The following SLC6A6 variants were observed in gnomAD, a reference collection of about 807,000 sequenced individuals.
SLC6A6 encodes sodium- and chloride-dependent taurine transporter.
Under a neutral mutation model 68.8 loss-of-function variants are expected in SLC6A6, and 16 were observed. The ratio of observed to expected loss-of-function variants is 0.23; its 90% CI spans 0.16 to 0.35. The LOEUF (loss-of-function observed/expected upper bound fraction) is 0.35, where lower values mean the gene tolerates loss of function less well. Among genes scored for constraint, SLC6A6 ranks in the 10% least tolerant of loss-of-function variants. SLC6A6 has a pLI of 1.00. For synonymous variants in SLC6A6, 312 were observed against 315.4 expected (o/e 0.99, Z 0.12); for missense variants, 474 against 802.8 (o/e 0.59, Z 4.95).
chr3:14,477,337 A>G lies in SLC6A6; in HGVS notation c.1342A>G (p.Thr448Ala). The G allele has an allele frequency of 6.2e-7, 1 of 1,614,028 alleles. No individual in the cohort carries two copies. The highest frequency in any genetic ancestry group is 8.5e-7 in the Non-Finnish European group (1 of 1,179,944). ...ISYLLGLTMV[T>A]EGGMYVFQLF... ...CTACCTGCTGGGGCTGACGATGGTG[A>G]CGGAGGTAGGTGGCTCTCTCAGCTG... Residue 448 changes from threonine to alanine, a missense_variant, in exon 11 of 15, where the codon ACG (threonine) becomes GCG (alanine). Around this residue, in one of 2 missense-constraint regions of SLC6A6, gnomAD observed 194 missense variants for 269.8 expected, o/e 0.72. Coordinates refer to ENST00000622186, the MANE Select transcript of SLC6A6 (RefSeq NM_003043.6). The surrounding 1 kb of genome is among the most constrained non-coding windows in gnomAD (Gnocchi z 4.2).
chr3:14,412,936 G>C (rs563076849), intron 1 of SLC6A6, among the ~76,000 whole-genome samples: 1 of 152,350 alleles, frequency 6.6e-6, no homozygotes, highest in Admixed American at 6.5e-5. Flanking sequence ...TTCGTGCTGG[G>C]CCAGCGCCAC....
chr3:14,432,437 T>A (rs1699746808), intron 2 of SLC6A6, among the ~76,000 whole-genome samples: 1 of 152,136 alleles, frequency 6.6e-6, no homozygotes, highest in Admixed American at 6.5e-5. Flanking sequence ...AGGAGGTGGC[T>A]GCCTGCTGAC....
rs947117646 is a variant in SLC6A6, at chr3:14,486,837, GCATA to G, written c.*1835_*1838del. 24 of 152,258 alleles carry G rather than the reference GCATA, an allele frequency of 1.6e-4. No individual in the cohort carries two copies. Among genetic ancestry groups the G allele is most frequent in the African/African-American group, 5.8e-4 (24 of 41,534 alleles). The allele number at this position is 152,258 out of a possible 1,614,324, so 9.4% of individuals were successfully genotyped here. Reference sequence around the variant, plus strand: ...CAATTCTGAACCCCATCTTTGGCAGGCATACATATTTCACTGTTTCCAAAGCTAT... The same window carrying G: ...CAATTCTGAACCCCATCTTTGGCAGGCATATTTCACTGTTTCCAAAGCTAT... On this transcript the variant is annotated 3_prime_UTR_variant, in exon 15 of 15. Coordinates refer to ENST00000622186, the MANE Select transcript of SLC6A6 (RefSeq NM_003043.6).
At chr3:14,429,711 T>C (rs1699680663) in intron 2 of SLC6A6, among the ~76,000 whole-genome samples, 1 of 152,226 alleles carries the variant, frequency 6.6e-6, no homozygotes, top group Admixed American at 6.5e-5. Flanking sequence ...TAGGGCTGCA[T>C]GGGCCCAGGC....
At position 14,445,853 on chromosome 3, in the gene SLC6A6, T is replaced by C. The variant is rs1458111585; in HGVS notation, c.364+2T>C. 6.2e-7 allele frequency: 1 copy of C among 1,614,176 alleles called. No homozygotes were observed. The highest frequency in any genetic ancestry group is 2.2e-5 in the East Asian group (1 of 44,888). ...AAAAGATCTGCCCCTTGTTCTCTGGTGAGTATGGGACGGAGGTCACTTGGG... is the reference window on the plus strand; with the variant it reads ...AAAAGATCTGCCCCTTGTTCTCTGGCGAGTATGGGACGGAGGTCACTTGGG... On this transcript the variant is annotated splice_donor_variant, in intron 4 of 14. Coordinates refer to ENST00000622186, the MANE Select transcript of SLC6A6 (RefSeq NM_003043.6). LOFTEE classifies it high-confidence loss of function.
intron 4 of SLC6A6, 135 bp from the exon 5 acceptor site, chr3:14,447,447 A>G: frequency 2.9e-6 from 3 of 1,033,410 alleles, no homozygotes; most frequent in Non-Finnish European, 4.3e-6. Flanking sequence ...CACCCTATAA[A>G]TATTTGGTGG....
At chr3:14,446,514 T>C (rs1354535418) in intron 4 of SLC6A6, among the ~76,000 whole-genome samples, 1 of 152,176 alleles carries the variant, frequency 6.6e-6, no homozygotes, top group Non-Finnish European at 1.5e-5. Context: ...TCATGCAATA[T>C]TCTTCTGTCA....
intron 1 of SLC6A6, among the ~76,000 whole-genome samples, chr3:14,403,273 CTG>C (rs1421278312): frequency 1.3e-5 from 2 of 151,708 alleles, no homozygotes; most frequent in Non-Finnish European, 2.9e-5. Flanking sequence ...GCGTGCTGGG[CTG>C]TGTGTGTGTG....
At chr3:14,429,848 C>T (rs1699683475) in intron 2 of SLC6A6, among the ~76,000 whole-genome samples, 1 of 152,196 alleles carries the variant, frequency 6.6e-6, no homozygotes, top group South Asian at 2.1e-4. Flanking sequence ...TTATGAGGCC[C>T]GCTTACAGGT....
chr3:14,442,684 C>T (rs1574935718), intron 2 of SLC6A6, among the ~76,000 whole-genome samples: 2 of 152,190 alleles, frequency 1.3e-5, no homozygotes, highest in South Asian at 4.1e-4. Context: ...TGGTGGCAGA[C>T]CTCCCTCTAG....
At chr3:14,480,950 G>T (rs894248244) in intron 13 of SLC6A6, among the ~76,000 whole-genome samples, 2 of 152,224 alleles carry the variant, frequency 1.3e-5, no homozygotes, top group Non-Finnish European at 2.9e-5. Flanking sequence ...ACAGGGCAAG[G>T]CTCAGGTGCC....
intron 5 of SLC6A6, among the ~76,000 whole-genome samples, chr3:14,457,699 T>G (rs1412042333): frequency 1.3e-5 from 2 of 152,202 alleles, no homozygotes; most frequent in Non-Finnish European, 2.9e-5. Flanking sequence ...GTTCCTTAAC[T>G]TGCCTGAGGC....
intron 5 of SLC6A6, among the ~76,000 whole-genome samples, chr3:14,451,646 C>T (rs1375985039): frequency 6.6e-6 from 1 of 152,204 alleles, no homozygotes; most frequent in Non-Finnish European, 1.5e-5. Context: ...CCTTAAGGAA[C>T]ACACTGGTGG....
intron 12 of SLC6A6, 162 bp downstream of exon 12, chr3:14,478,730 G>A (rs1700940208): frequency 1.6e-6 from 1 of 627,028 alleles, no homozygotes; most frequent in Non-Finnish European, 2.9e-6. Flanking sequence ...CCACACTGAA[G>A]ATCCTCCTGG....
chr3:14,463,841 G>T (rs943366284), intron 6 of SLC6A6, among the ~76,000 whole-genome samples: 1 of 152,172 alleles, frequency 6.6e-6, no homozygotes, highest in African/African-American at 2.4e-5. Flanking sequence ...GCAGCAGTAG[G>T]GCCCAGCCTG....
At chr3:14,428,150 G>A (rs1699643838) in intron 2 of SLC6A6, among the ~76,000 whole-genome samples, 1 of 152,210 alleles carries the variant, frequency 6.6e-6, no homozygotes, top group African/African-American at 2.4e-5. Flanking sequence ...CCAGTCACAT[G>A]CACTGCAGAA....
intron 2 of SLC6A6, among the ~76,000 whole-genome samples, chr3:14,433,839 C>A (rs1197801528): frequency 6.7e-6 from 1 of 148,706 alleles, no homozygotes; most frequent in Non-Finnish European, 1.5e-5. Flanking sequence ...GTCATAAGTA[C>A]CTGCAGGGAA....
intron 14 of SLC6A6, among the ~76,000 whole-genome samples, chr3:14,482,910 C>T (rs1047706253): frequency 2.6e-5 from 4 of 152,144 alleles, no homozygotes; most frequent in Admixed American, 1.3e-4. Context: ...GTCCCGAGCC[C>T]TCCAGGTGAC....
rs77659115 is a variant in SLC6A6, at chr3:14,414,600, G to A, written c.-53-1812G>A. Reference sequence around the variant, plus strand: ...GACTGCAGTGGTACGATCACTGCTCGCTGCAACCTCAAACTTCTGGGCTCA... The same window carrying A: ...GACTGCAGTGGTACGATCACTGCTCACTGCAACCTCAAACTTCTGGGCTCA... On this transcript the variant is annotated intron_variant, in intron 1 of 14. Coordinates refer to ENST00000622186, the MANE Select transcript of SLC6A6 (RefSeq NM_003043.6). Among the ~76,000 whole-genome samples the A allele has an allele frequency of 3.5e-3, 535 of 151,930 alleles. 3 individuals carry two copies. Among genetic ancestry groups the A allele is most frequent in the Non-Finnish European group, 6.3e-3 (425 of 67,958 alleles).
Sources: gnomAD v4.1 joint callset for allele counts (sites outside exome capture counted in the v4.1 genomes callset) on GRCh38, gnomAD v4.1.1 for gene constraint, gnomAD v4.1.1 regional missense constraint, Gnocchi (gnomAD v3.1) non-coding constraint, MANE v1.5 for transcripts, NCBI Gene and HGNC (gene_info 2026-07-23, HGNC 2026-07-21) for gene names.